KIAA1671: variants seen among roughly 807,000 people sequenced by gnomAD.
KIAA1671 encodes uncharacterized protein KIAA1671.
A neutral mutation model predicts 131.2 loss-of-function variants in KIAA1671; 52 were observed. The observed-to-expected ratio is 0.40, with a 90% CI of 0.32 to 0.50. KIAA1671 has a LOEUF of 0.50. Among genes scored for constraint, KIAA1671 ranks in the 20% least tolerant of loss-of-function variants. The probability of loss-of-function intolerance (pLI) is 0.73; values close to 1 mark genes in which losing one functional copy is unlikely to be tolerated. For synonymous variants in KIAA1671, 1,003 were observed against 961.6 expected, an observed-to-expected ratio of 1.04 and a Z score of -0.80; for missense variants, 2,360 against 2,364.2, an observed-to-expected ratio of 1.00 and a Z score of 0.04.
rs1056261738 is a variant in KIAA1671 at position 25,041,329 on chromosome 22, G to A, written c.4199G>A (p.Arg1400Gln). Residue 1400 changes from arginine to glutamine, a missense_variant, in exon 5 of 13, where the codon CGG (arginine) becomes CAG (glutamine). Arg to Gln is a conservative substitution (Grantham distance 43). Around this residue, in one of 3 missense-constraint regions of KIAA1671, gnomAD observed 1,161 missense variants for 1,204.7 expected, o/e 0.96. Transcript: ENST00000358431. ...GGTGACCACCCACGTGACTGTGGAC[G>A]GGTGCCGCTGGATATCAAGAGGGCC... ...QWGDHPRDCG[R>Q]VPLDIKRAYS... 4.6e-5 allele frequency: 71 copies of A among 1,551,606 alleles called. No homozygotes were observed. The highest frequency in any genetic ancestry group is 3.3e-4 in the Middle Eastern group (2 of 6,014).
intron 6 of KIAA1671, chr22:25,063,146 A>T (rs5760820): frequency 0.12 from 18,899 of 151,928 alleles, 1,217 homozygotes; most frequent in South Asian, 0.21. Context: ...GTAAGAAGGG[A>T]TGGTTGATTG....
chr22:25,032,707 G>T lies in KIAA1671; in HGVS notation c.1629+11G>T. On this transcript the variant is annotated intron_variant, in intron 4 of 12. Transcript: ENST00000358431. The stretch of plus-strand genomic sequence containing the variant: ...GAACCGAGAGAAAAGGTAAGGAGTG[G>T]CTGTGTAGCACGTCTCTCATTAACC... 9 of 1,521,744 alleles carry T rather than the reference G, an allele frequency of 5.9e-6. No individual in the cohort carries two copies. Among genetic ancestry groups the T allele is most frequent in the Middle Eastern group, 1.7e-4 (1 of 5,908 alleles). The allele number at this position is 1,521,744 out of a possible 1,614,324, so 94.3% of individuals were successfully genotyped here. A position where few individuals can be genotyped will look rare whatever the true frequency, so the allele number is the denominator to read the frequency against.
rs1263442323 is a variant in KIAA1671 at position 25,184,998 on chromosome 22, G to A, written c.5221G>A (p.Glu1741Lys). Residue 1741 changes from glutamate to lysine, a missense_variant, in exon 11 of 13, where the codon GAG (glutamate) becomes AAG (lysine). Coordinates refer to ENST00000358431, the MANE Select transcript of KIAA1671 (RefSeq NM_001145206.2). ...CCAGGCTCAGCTGCACAAGAGGCCAGAGGTGGACAGTCCTGGCGAGACCCC... is the reference window on the plus strand; with the variant it reads ...CCAGGCTCAGCTGCACAAGAGGCCAAAGGTGGACAGTCCTGGCGAGACCCC... ...VLKAQLHKRPEVDSPGETPSW... is the reference protein window; with the variant it reads ...VLKAQLHKRPKVDSPGETPSW... The A allele has an allele frequency of 1.3e-6, 2 of 1,551,654 alleles. No individual in the cohort carries two copies. Among genetic ancestry groups the A allele is most frequent in the East Asian group, 2.4e-5 (1 of 40,912 alleles).
At chr22:24,983,347 G>A (rs943555130) in intron 1 of KIAA1671, among the ~76,000 whole-genome samples, 2 of 152,070 alleles carry the variant, frequency 1.3e-5, no homozygotes, top group Non-Finnish European at 1.5e-5. Flanking sequence ...AGTGGCTTCC[G>A]GCAATTGTTG....
Position 25,174,243 on chromosome 22 carries a change from G to T in KIAA1671, c.4653G>T (p.Leu1551Phe), listed in dbSNP as rs1250608874. 1 of 1,546,884 alleles carries T rather than the reference G, an allele frequency of 6.5e-7. No homozygotes were observed. The highest frequency in any genetic ancestry group is 2.0e-5 in the Admixed American group (1 of 49,576). Residue 1551 changes from leucine to phenylalanine, a missense_variant, in exon 8 of 13, where the codon TTG becomes TTT. Coordinates refer to ENST00000358431, the MANE Select transcript of KIAA1671 (RefSeq NM_001145206.2). ...CCTTCATTCCCTTTTTTGGCAGCTT[G>T]GCCACTGAGTCCCCAGATAGCAGTG... is the stretch of plus-strand genomic sequence containing the variant. ...WTEQCQSGESLATESPDSSAT... is the reference protein window; with the variant it reads ...WTEQCQSGESFATESPDSSAT...
chr22:25,085,901 A>G (rs1929694133), intron 6 of KIAA1671, among the ~76,000 whole-genome samples: 1 of 152,136 alleles, frequency 6.6e-6, no homozygotes, highest in Non-Finnish European at 1.5e-5. Context: ...TACTCACTGC[A>G]CTGGAGGAAT....
At chr22:25,042,828 G>T (rs1000157215) in intron 5 of KIAA1671, among the ~76,000 whole-genome samples, 1 of 152,126 alleles carries the variant, frequency 6.6e-6, no homozygotes, top group African/African-American at 2.4e-5. Flanking sequence ...GAGAGAAGAA[G>T]TGAGGCAGGT....
chr22:25,127,168 G>A (rs1026957808), intron 6 of KIAA1671, among the ~76,000 whole-genome samples: 2 of 152,168 alleles, frequency 1.3e-5, no homozygotes, highest in Non-Finnish European at 2.9e-5. Flanking sequence ...ACTCTTCATG[G>A]TGGTGAGAAT....
chr22:24,984,229 C>T (rs183101220), intron 1 of KIAA1671, among the ~76,000 whole-genome samples: 43 of 152,314 alleles, frequency 2.8e-4, no homozygotes, highest in African/African-American at 9.1e-4. Context: ...AGCACACTGA[C>T]ATCCCTCCAG....
At chr22:25,162,042 A>G (rs1933461268) in intron 6 of KIAA1671, among the ~76,000 whole-genome samples, 1 of 152,096 alleles carries the variant, frequency 6.6e-6, no homozygotes, top group Non-Finnish European at 1.5e-5. Flanking sequence ...CTTCCAAACC[A>G]TGTGACCTTG....
chr22:25,104,274 T>C (rs1395543336), intron 6 of KIAA1671, among the ~76,000 whole-genome samples: 1 of 152,238 alleles, frequency 6.6e-6, no homozygotes. Flanking sequence ...CCACTGCTCC[T>C]GGCCCCACCT....
rs1601365419 is a variant in KIAA1671 at position 25,156,645 on chromosome 22, T to C, written c.4531-14175T>C. ...GTATATGTGTTTGTGTATATACTCATGTATGTCTGCATCTATGTGTATGTG... is the reference window on the plus strand; with the variant it reads ...GTATATGTGTTTGTGTATATACTCACGTATGTCTGCATCTATGTGTATGTG... On this transcript the variant is annotated intron_variant, in intron 6 of 12. Transcript: ENST00000358431. 2.0e-5 allele frequency among the ~76,000 whole-genome samples: 3 copies of C among 152,348 alleles called. No individual in the cohort carries two copies. In the East Asian group the frequency reaches 5.8e-4, roughly 29 times the overall value.
intron 6 of KIAA1671, among the ~76,000 whole-genome samples, chr22:25,085,417 T>C (rs1929651192): frequency 6.6e-6 from 1 of 152,148 alleles, no homozygotes; most frequent in South Asian, 2.1e-4. Flanking sequence ...AAATCCTCAC[T>C]GAGATGTCTG....
At chr22:25,177,199 T>C in intron 8 of KIAA1671, 149 bp from the exon 9 acceptor site, 1 of 712,684 alleles carries the variant, frequency 1.4e-6, no homozygotes, top group Non-Finnish European at 2.3e-6. Context: ...GGGTGTTAGG[T>C]TACTATTAAA....
At chr22:24,979,076 A>C (rs917490935) in intron 1 of KIAA1671, among the ~76,000 whole-genome samples, 2 of 147,758 alleles carry the variant, frequency 1.4e-5, no homozygotes, top group African/African-American at 5.0e-5. Context: ...CCTCACTGCA[A>C]CCTCTGCCTC....
At chr22:24,957,978 T>C (rs1291715325) in intron 1 of KIAA1671, among the ~76,000 whole-genome samples, 2 of 150,584 alleles carry the variant, frequency 1.3e-5, no homozygotes, top group Non-Finnish European at 1.5e-5. Context: ...TTTTTTTTTT[T>C]TTTTTTTTAA....
intron 6 of KIAA1671, among the ~76,000 whole-genome samples, chr22:25,074,115 T>C (rs1928970743): frequency 6.6e-6 from 1 of 152,194 alleles, no homozygotes; most frequent in South Asian, 2.1e-4. Context: ...TCAATCATGT[T>C]GCAAATAACA....
intron 1 of KIAA1671, among the ~76,000 whole-genome samples, chr22:24,964,738 A>G (rs1922204702): frequency 6.6e-6 from 1 of 152,086 alleles, no homozygotes; most frequent in Admixed American, 6.6e-5. Flanking sequence ...ACATTGTTGT[A>G]TTTGATTCTT....
intron 1 of KIAA1671, among the ~76,000 whole-genome samples, chr22:24,988,325 A>G (rs987012890): frequency 6.6e-6 from 1 of 151,646 alleles, no homozygotes; most frequent in East Asian, 1.9e-4. Context: ...CAGCCCCCCA[A>G]ACTGGGAGCA....
Sources: gnomAD v4.1 joint callset for allele counts (sites outside exome capture counted in the v4.1 genomes callset) on GRCh38, gnomAD v4.1.1 for gene constraint, gnomAD v4.1.1 regional missense constraint, MANE v1.5 for transcripts, NCBI Gene and HGNC (gene_info 2026-07-23, HGNC 2026-07-21) for gene names.